Variants in CTNNA3 observed in about 807,000 individuals in gnomAD.
CTNNA3 encodes catenin alpha 3.
Under a neutral mutation model 95.7 loss-of-function variants are expected in CTNNA3, and 76 were observed. The ratio of observed to expected loss-of-function variants is 0.79; its 90% CI spans 0.66 to 0.96. The LOEUF (loss-of-function observed/expected upper bound fraction) is 0.96, where lower values mean the gene tolerates loss of function less well. Among genes scored for constraint, CTNNA3 ranks in the 40% least tolerant of loss-of-function variants. The probability of loss-of-function intolerance (pLI) is 0.00; values close to 1 mark genes in which losing one functional copy is unlikely to be tolerated. For missense variants in CTNNA3, 1,191 were observed against 1,089.8 expected, an observed-to-expected ratio of 1.09 and a Z score of -1.31; for synonymous variants, 431 against 374.4, an observed-to-expected ratio of 1.15 and a Z score of -1.74.
intron 10 of CTNNA3, among the ~76,000 whole-genome samples, chr10:66,535,708 T>C (rs74859094): frequency 0.04 from 6,051 of 152,124 alleles, 167 homozygotes; most frequent in African/African-American, 0.06. Context: ...TTCAACCCTG[T>C]GGTGAGGGAT....
intron 9 of CTNNA3, among the ~76,000 whole-genome samples, chr10:66,655,557 G>A (rs1165758915): frequency 6.6e-6 from 1 of 152,056 alleles, no homozygotes; most frequent in Non-Finnish European, 1.5e-5. Context: ...AGTATAATGG[G>A]CAGAAAGGAA....
At position 67,497,551 on chromosome 10, in the gene CTNNA3, A is replaced by G. The variant is rs563329714; in HGVS notation, c.579+24291T>C. Reference sequence around the variant, plus strand: ...TGAACTAGTTTACATACCCATCAACAGTGTAAAAGCCTTCCTATTTCTCCA... The same window carrying G: ...TGAACTAGTTTACATACCCATCAACGGTGTAAAAGCCTTCCTATTTCTCCA... On this transcript the variant is annotated intron_variant, in intron 5 of 17. Coordinates refer to ENST00000433211, the MANE Select transcript of CTNNA3 (RefSeq NM_013266.4). Among the ~76,000 whole-genome samples, 18 of 152,296 alleles carry G rather than the reference A, an allele frequency of 1.2e-4. 1 individual carries two copies. The South Asian group carries it at 3.3e-3, about 28-fold the overall frequency.
intron 11 of CTNNA3, among the ~76,000 whole-genome samples, chr10:66,409,262 A>G (rs1195748318): frequency 1.3e-5 from 2 of 152,134 alleles, no homozygotes; most frequent in Admixed American, 1.3e-4. Context: ...GTGGTCAAAG[A>G]GAAATTTTGG....
intron 5 of CTNNA3, among the ~76,000 whole-genome samples, chr10:67,269,208 A>G (rs1838844701): frequency 2.0e-5 from 3 of 152,164 alleles, no homozygotes. Context: ...CATATAACAG[A>G]AAGGTTGGAG....
chr10:66,859,524 T>C (rs977424299), intron 7 of CTNNA3, among the ~76,000 whole-genome samples: 1 of 151,800 alleles, frequency 6.6e-6, no homozygotes, highest in African/African-American at 2.4e-5. Context: ...CAACAGGTGC[T>C]GGAGAGGATG....
chr10:66,377,135 A>C (rs965349379), intron 12 of CTNNA3, among the ~76,000 whole-genome samples: 3 of 152,144 alleles, frequency 2.0e-5, no homozygotes, highest in African/African-American at 4.8e-5. Flanking sequence ...CATAAACAAA[A>C]ATGGAAAGCT....
At chr10:66,338,635 CAG>C (rs1178116124) in intron 12 of CTNNA3, among the ~76,000 whole-genome samples, 1 of 151,718 alleles carries the variant, frequency 6.6e-6, no homozygotes, top group Non-Finnish European at 1.5e-5. Context: ...ACAGAATAAA[CAG>C]GGGAATGAAA....
At chr10:66,034,103 A>G (rs919076614) in intron 15 of CTNNA3, among the ~76,000 whole-genome samples, 1 of 152,278 alleles carries the variant, frequency 6.6e-6, no homozygotes, top group Non-Finnish European at 1.5e-5. Context: ...TAAATAAATT[A>G]TAACTATTTT....
At chr10:66,434,607 C>T (rs1194350774) in intron 11 of CTNNA3, among the ~76,000 whole-genome samples, 4 of 151,952 alleles carry the variant, frequency 2.6e-5, no homozygotes, top group Non-Finnish European at 5.9e-5. Context: ...ACAATTTGAC[C>T]TCCTCTCCTC....
chr10:66,754,454 G>A (rs1409058343), intron 9 of CTNNA3, among the ~76,000 whole-genome samples: 2 of 151,982 alleles, frequency 1.3e-5, no homozygotes, highest in Non-Finnish European at 2.9e-5. Context: ...CTTGGATTAG[G>A]CAATGACTTC....
At chr10:66,898,520 C>G (rs76797420) in intron 7 of CTNNA3, among the ~76,000 whole-genome samples, 3 of 152,194 alleles carry the variant, frequency 2.0e-5, no homozygotes, top group Non-Finnish European at 2.9e-5. Context: ...ACCAATGGAA[C>G]AGAATAGAGC....
At chr10:67,719,324 T>C (rs1364689755) in intron 1 of CTNNA3, among the ~76,000 whole-genome samples, 1 of 152,128 alleles carries the variant, frequency 6.6e-6, no homozygotes, top group African/African-American at 2.4e-5. Flanking sequence ...ATCTTAGTTA[T>C]TTCTTGTCTT....
At chr10:66,710,719 C>A (rs988367339) in intron 9 of CTNNA3, among the ~76,000 whole-genome samples, 2 of 151,242 alleles carry the variant, frequency 1.3e-5, no homozygotes, top group Non-Finnish European at 3.0e-5. Flanking sequence ...AATATATATT[C>A]TAGACATATA....
intron 11 of CTNNA3, among the ~76,000 whole-genome samples, chr10:66,484,581 G>A (rs967554824): frequency 2.0e-5 from 3 of 151,936 alleles, no homozygotes; most frequent in Non-Finnish European, 4.4e-5. Flanking sequence ...ACATGGGATT[G>A]GTTCAAGAAT....
chr10:67,392,965 G>A (rs939743338), intron 5 of CTNNA3, among the ~76,000 whole-genome samples: 1 of 152,104 alleles, frequency 6.6e-6, no homozygotes, highest in African/African-American at 2.4e-5. Context: ...TAGATGATGA[G>A]TTAGTGGGTG....
chr10:67,621,146 C>T (rs1382474182), intron 2 of CTNNA3, among the ~76,000 whole-genome samples: 6 of 152,004 alleles, frequency 3.9e-5, no homozygotes, highest in Non-Finnish European at 8.8e-5. Flanking sequence ...AGTCCTACTT[C>T]CAGAGATTCT....
intron 13 of CTNNA3, among the ~76,000 whole-genome samples, chr10:66,231,585 T>C (rs1247563616): frequency 6.6e-5 from 10 of 152,158 alleles, no homozygotes; most frequent in African/African-American, 2.2e-4. Context: ...TACACTAAGA[T>C]AGCTTTATAC....
intron 17 of CTNNA3, among the ~76,000 whole-genome samples, chr10:65,961,901 C>T (rs1033182666): frequency 1.3e-5 from 2 of 151,904 alleles, no homozygotes; most frequent in Non-Finnish European, 2.9e-5. Context: ...TATTTTTGAC[C>T]TTGATAATAA....
chr10:66,002,359 T>C (rs1257265687), intron 15 of CTNNA3, among the ~76,000 whole-genome samples: 1 of 152,164 alleles, frequency 6.6e-6, no homozygotes, highest in Non-Finnish European at 1.5e-5. Flanking sequence ...AATACTCAGC[T>C]AGCAATCATC....
Sources: allele counts gnomAD v4.1 joint callset (sites outside exome capture counted in the v4.1 genomes callset), GRCh38; gene constraint gnomAD v4.1.1; transcripts MANE v1.5; gene names NCBI Gene and HGNC (gene_info 2026-07-23, HGNC 2026-07-21).